NRAP: variants seen among roughly 807,000 people sequenced by gnomAD.
NRAP encodes nebulin related anchoring protein.
NRAP carries 189 observed loss-of-function variants against 225.9 expected under a neutral mutation model. The ratio of observed to expected loss-of-function variants is 0.84; its 90% CI spans 0.74 to 0.94. NRAP has a LOEUF of 0.94. Ranked by LOEUF, NRAP falls within the 40% of genes least tolerant of loss-of-function variation. NRAP has a pLI of 0.00. For missense variants in NRAP, 2,176 were observed against 2,168.7 expected, an observed-to-expected ratio of 1.00 and a Z score of -0.07; for synonymous variants, 769 against 790.7, an observed-to-expected ratio of 0.97 and a Z score of 0.46.
intron 10 of NRAP, among the ~76,000 whole-genome samples, chr10:113,646,175 C>T (rs1849495288): frequency 6.6e-6 from 1 of 151,828 alleles, no homozygotes; most frequent in South Asian, 2.1e-4. Flanking sequence ...TACTCTAATT[C>T]TGCGTGGGAA....
At chr10:113,633,318 C>G in intron 15 of NRAP, 130 bp from the exon 16 acceptor site, 1 of 591,654 alleles carries the variant, frequency 1.7e-6, no homozygotes, top group Non-Finnish European at 3.1e-6. Flanking sequence ...TACAAGGCAG[C>G]CTGTACTTTT....
Position 113,614,926 on chromosome 10 carries a change from C to T in NRAP, c.3099G>A (p.Trp1033Ter), listed in dbSNP as rs199673219. 75 of 1,608,886 alleles carry T rather than the reference C, an allele frequency of 4.7e-5. 1 individual carries two copies. The highest frequency in any genetic ancestry group is 5.6e-5 in the Non-Finnish European group (66 of 1,175,296). ...NISETRYKES[W>*]SKLRDGGYKL... ...TATAGCCACCATCTCGAAGTTTGCT[C>T]CAGGATTCCTTATAACGCGTCTGTC... is the stretch of plus-strand genomic sequence containing the variant. The change falls in exon 28 of 42, where the codon TGG becomes TGA. Residue 1033 changes from tryptophan to a stop codon, truncating the protein, a stop_gained. Coordinates refer to ENST00000359988, the MANE Select transcript of NRAP (RefSeq NM_198060.4). LOFTEE classifies it high-confidence loss of function.
intron 41 of NRAP, 48 bp from the exon 42 acceptor site, chr10:113,589,127 C>T (rs965534780): frequency 6.7e-7 from 1 of 1,502,156 alleles, no homozygotes; most frequent in Non-Finnish European, 9.2e-7. Flanking sequence ...TCCCCCACCC[C>T]CACTCCCGGC....
chr10:113,595,475 G>T, intron 38 of NRAP, 148 bp downstream of exon 38: 1 of 593,092 alleles, frequency 1.7e-6, no homozygotes, highest in South Asian at 2.2e-5. Context: ...GTGACTGAAA[G>T]TCACACAAAC....
intron 11 of NRAP, 47 bp from the exon 12 acceptor site, chr10:113,643,085 C>A: frequency 1.1e-6 from 1 of 949,330 alleles, no homozygotes; most frequent in South Asian, 1.4e-5. Context: ...AATCCGAAGT[C>A]ACTCTTGAAA....
chr10:113,634,880 C>A (rs1848776241), intron 14 of NRAP, among the ~76,000 whole-genome samples: 1 of 152,314 alleles, frequency 6.6e-6, no homozygotes, highest in South Asian at 2.1e-4. Context: ...AAGTGGGAGA[C>A]AATGGAGCAT....
intron 12 of NRAP, 152 bp from the exon 13 acceptor site, chr10:113,641,624 A>C: frequency 1.8e-6 from 1 of 567,958 alleles, no homozygotes; most frequent in Non-Finnish European, 3.1e-6. Context: ...AAATAAGGCA[A>C]ACTTTTTTTT....
At chr10:113,607,939 T>C (rs1847095237) in intron 32 of NRAP, among the ~76,000 whole-genome samples, 1 of 152,220 alleles carries the variant, frequency 6.6e-6, no homozygotes, top group African/African-American at 2.4e-5. Context: ...AGGTAGATAA[T>C]TGAGAAGCCT....
chr10:113,622,084 A>T lies in NRAP; in HGVS notation c.2554T>A (p.Ser852Thr), dbSNP rs1484946500. ...TACTCCAGCTCACTCTGCAGCTTGG[A>T]CATTTGCAGTGAGTGGCTCATTTGC... ...DSQMSHSLQM[S>T]KLQSELEYKK... The change falls in exon 24 of 42, where the codon TCC becomes ACC. Residue 852 changes from serine to threonine, a missense_variant. Transcript: ENST00000359988. The T allele has an allele frequency of 6.2e-7, 1 of 1,614,122 alleles. No homozygotes were observed. The highest frequency in any genetic ancestry group is 8.5e-7 in the Non-Finnish European group (1 of 1,179,986).
rs1336431220 is a variant in NRAP at position 113,626,079 on chromosome 10, G to A, written c.2212C>T (p.His738Tyr). ...TGTAGCTCCTGGCTCTTCTTGGCGT[G>A]CTCCATCTGGGAGCTGTCGGTCACG... ...TSVTDSSQME[H>Y]AKKSQELQSG... Residue 738 changes from histidine (H) to tyrosine (Y), a missense_variant, in exon 21 of 42, where the codon CAC (histidine) becomes TAC (tyrosine). Around this residue, in one of 3 missense-constraint regions of NRAP, gnomAD observed 1,708 missense variants for 1,695.5 expected, o/e 1.01. Coordinates refer to ENST00000359988, the MANE Select transcript of NRAP (RefSeq NM_198060.4). 6.2e-7 allele frequency: 1 copy of A among 1,612,458 alleles called. No individual in the cohort carries two copies. Among genetic ancestry groups the A allele is most frequent in the Non-Finnish European group, 8.5e-7 (1 of 1,179,490 alleles).
intron 21 of NRAP, among the ~76,000 whole-genome samples, chr10:113,625,148 G>A (rs79907777): frequency 3.7e-4 from 57 of 152,220 alleles, no homozygotes; most frequent in African/African-American, 1.3e-3. Context: ...AATGCAGCAG[G>A]GAGCCAACCT....
chr10:113,629,165 C>A, intron 19 of NRAP, 144 bp from the exon 20 acceptor site: 1 of 690,344 alleles, frequency 1.4e-6, no homozygotes. Context: ...GGCAGATCTC[C>A]ACTTGGGAGG....
chr10:113,601,335 C>G (rs867217075), intron 35 of NRAP, among the ~76,000 whole-genome samples: 18 of 152,222 alleles, frequency 1.2e-4, no homozygotes, highest in African/African-American at 4.3e-4. Context: ...GGGGCTGCTC[C>G]CTTGACGTAA....
At chr10:113,656,221 C>T (rs1330947289) in intron 4 of NRAP, among the ~76,000 whole-genome samples, 4 of 133,984 alleles carry the variant, frequency 3.0e-5, no homozygotes, top group African/African-American at 9.5e-5. Flanking sequence ...TATTGTAATC[C>T]AGACATTTCT....
intron 37 of NRAP, 26 bp from the exon 38 acceptor site, chr10:113,595,753 A>G: frequency 6.7e-7 from 1 of 1,485,204 alleles, no homozygotes; most frequent in South Asian, 1.1e-5. Flanking sequence ...GCTCATGGTA[A>G]ATAGAGAACT....
chr10:113,645,818 T>TATGC lies in NRAP; in HGVS notation c.1110+6_1110+7insGCAT. ...GCTCATGGGTGTGACTCTTCCCCCA[T>TATGC]ACGCACCTCACTCACGAGTTTGTTT... is the stretch of plus-strand genomic sequence containing the variant. On this transcript the variant is annotated splice_region_variant and intron_variant, in intron 11 of 41. Transcript: ENST00000359988. The TATGC allele has an allele frequency of 1.4e-6, 2 of 1,426,432 alleles. No homozygotes were observed. Among genetic ancestry groups the TATGC allele is most frequent in the Non-Finnish European group, 2.0e-6 (2 of 1,013,232 alleles). 88.4% of individuals were successfully genotyped at this position (1,426,432 alleles called of 1,614,324 possible).
At position 113,604,791 on chromosome 10, in the gene NRAP, C is replaced by T. The variant is rs1592743898; in HGVS notation, c.4045G>A (p.Gly1349Arg). 6.2e-7 allele frequency: 1 copy of T among 1,614,094 alleles called. No individual in the cohort carries two copies. The highest frequency in any genetic ancestry group is 1.1e-5 in the South Asian group (1 of 91,086). ...AACTGGGCTTGGCTGCTGGTCGCCC[C>T]CCTCCTGTACTGAAGCTCGCTCTGC... ...QLQSELQYRRGATSSQAQFHL... is the reference protein window; with the variant it reads ...QLQSELQYRRRATSSQAQFHL... Residue 1349 changes from glycine to arginine, a missense_variant, in exon 35 of 42, where the codon GGG becomes AGG. Transcript: ENST00000359988.
At chr10:113,662,521 C>T (rs1209004449) in intron 3 of NRAP, among the ~76,000 whole-genome samples, 158 bp downstream of exon 3, 1 of 152,188 alleles carries the variant, frequency 6.6e-6, no homozygotes, top group Non-Finnish European at 1.5e-5. Context: ...CTCCCAAGCT[C>T]AAACCATCTG....
intron 20 of NRAP, 79 bp from the exon 21 acceptor site, chr10:113,626,224 C>T (rs1237869592): frequency 2.4e-6 from 2 of 848,270 alleles, no homozygotes; most frequent in Non-Finnish European, 3.7e-6. Context: ...CCCACACACA[C>T]ACACATTCTT....
Sources: gnomAD v4.1 joint callset for allele counts (sites outside exome capture counted in the v4.1 genomes callset) on GRCh38, gnomAD v4.1.1 for gene constraint, gnomAD v4.1.1 regional missense constraint, MANE v1.5 for transcripts, NCBI Gene and HGNC (gene_info 2026-07-23, HGNC 2026-07-21) for gene names.